GABPB1: variants seen among roughly 807,000 people sequenced by gnomAD.
The protein encoded by GABPB1 is GA-binding protein subunit beta-1.
GABPB1 carries 15 observed loss-of-function variants against 45.9 expected under a neutral mutation model. That is an observed-to-expected ratio of 0.33 (90% CI 0.22 to 0.50). The LOEUF (loss-of-function observed/expected upper bound fraction) is 0.50, where lower values mean the gene tolerates loss of function less well. GABPB1 is among the 20% of genes least tolerant of loss of function. The pLI is 0.98. For missense variants in GABPB1, 252 were observed against 457.5 expected (o/e 0.55, Z 4.10); for synonymous variants, 143 against 154.4 (o/e 0.93, Z 0.55).
chr15:50,309,355 G>C (rs2047051660), intron 2 of GABPB1, among the ~76,000 whole-genome samples: 2 of 151,960 alleles, frequency 1.3e-5, no homozygotes, highest in Admixed American at 6.6e-5. Flanking sequence ...ATCTTTATCA[G>C]TATCTTTCTG....
intron 1 of GABPB1, chr15:50,351,272 C>T (rs930777642): frequency 4.6e-5 from 7 of 152,238 alleles, no homozygotes; most frequent in African/African-American, 7.2e-5. Flanking sequence ...ATAAGCTGTT[C>T]TACCAACTTC....
chr15:50,304,213 T>G, intron 2 of GABPB1, 80 bp from the exon 3 acceptor site: 1 of 1,205,322 alleles, frequency 8.3e-7, no homozygotes, highest in South Asian at 2.1e-5. Context: ...CAGATTTTCT[T>G]TACATTATCT....
intron 6 of GABPB1, among the ~76,000 whole-genome samples, chr15:50,297,509 C>T (rs542733390): frequency 2.0e-5 from 3 of 152,314 alleles, no homozygotes; most frequent in Non-Finnish European, 2.9e-5. Flanking sequence ...CCTGCGCTCC[C>T]GGCACTTCTT....
chr15:50,304,714 G>GAAA, intron 2 of GABPB1, among the ~76,000 whole-genome samples: 1 of 105,416 alleles, frequency 9.5e-6, no homozygotes, highest in Admixed American at 9.6e-5. Flanking sequence ...TTGGTCTAAA[G>GAAA]AAAAAAAAAA....
At chr15:50,319,303 C>T (rs1248168397) in intron 1 of GABPB1, among the ~76,000 whole-genome samples, 1 of 151,958 alleles carries the variant, frequency 6.6e-6, no homozygotes, top group Middle Eastern at 3.2e-3. Context: ...TTTATAGATT[C>T]AGCAGGTACA....
At position 50,308,321 on chromosome 15, in the gene GABPB1, T is replaced by G. The variant is rs190934804; in HGVS notation, c.108+1370A>C. On this transcript the variant is annotated intron_variant, in intron 2 of 8. Coordinates refer to ENST00000380877, the MANE Select transcript of GABPB1 (RefSeq NM_016654.5). The stretch of plus-strand genomic sequence containing the variant: ...AATTCATTTCTCAGTTTACAGTTTT[T>G]TAGACTACACAAGTATTTATGAGTT... Among the ~76,000 whole-genome samples the G allele has an allele frequency of 2.6e-5, 4 of 152,348 alleles. No homozygotes were observed. In the East Asian group the frequency reaches 7.7e-4, roughly 29 times the overall value.
intron 7 of GABPB1, among the ~76,000 whole-genome samples, chr15:50,286,825 A>G (rs959605531): frequency 2.6e-5 from 4 of 152,208 alleles, no homozygotes; most frequent in African/African-American, 7.2e-5. Context: ...GCAATTATAT[A>G]GAGAGGCTGT....
intron 1 of GABPB1, among the ~76,000 whole-genome samples, chr15:50,343,135 G>C (rs2048441555): frequency 6.6e-6 from 1 of 152,080 alleles, no homozygotes; most frequent in Admixed American, 6.5e-5. Flanking sequence ...TCCTGACTTC[G>C]TGATCCACCC....
intron 6 of GABPB1, among the ~76,000 whole-genome samples, chr15:50,291,802 C>T (rs2046350754): frequency 6.6e-6 from 1 of 151,446 alleles, no homozygotes; most frequent in Non-Finnish European, 1.5e-5. Context: ...CCTGTAGTCT[C>T]AGCTACTTGG....
At chr15:50,320,322 C>G (rs1476900230) in intron 1 of GABPB1, among the ~76,000 whole-genome samples, 2 of 152,204 alleles carry the variant, frequency 1.3e-5, no homozygotes, top group Non-Finnish European at 2.9e-5. Flanking sequence ...CATGCACCAC[C>G]AGGCCCGGCT....
intron 1 of GABPB1, among the ~76,000 whole-genome samples, chr15:50,345,236 C>T (rs1252162474): frequency 3.3e-5 from 5 of 152,154 alleles, no homozygotes; most frequent in Non-Finnish European, 4.4e-5. Flanking sequence ...CACATATATA[C>T]TAGCTGAAAA....
In GABPB1 at chr15:50,289,672, G is replaced by GAAAAAAAAAA; in HGVS notation, c.698-14_698-5dup. 8.0e-7 allele frequency: 1 copy of GAAAAAAAAAA among 1,247,722 alleles called. No individual in the cohort carries two copies. Among genetic ancestry groups the GAAAAAAAAAA allele is most frequent in the Non-Finnish European group, 1.1e-6 (1 of 913,174 alleles). The allele number at this position is 1,247,722 out of a possible 1,614,324, so 77.3% of individuals were successfully genotyped here. A position where few individuals can be genotyped will look rare whatever the true frequency, so the allele number is the denominator to read the frequency against. On this transcript the variant is annotated splice_polypyrimidine_tract_variant and splice_region_variant and intron_variant, in intron 6 of 8. Coordinates refer to ENST00000380877, the MANE Select transcript of GABPB1 (RefSeq NM_016654.5). ...ACTACTTCTTCTGTGGCCACTACTG[G>GAAAAAAAAAA]AAAAAAAAAAAAGAAAACTCAGCAA...
At chr15:50,291,685 C>T (rs2046346992) in intron 6 of GABPB1, among the ~76,000 whole-genome samples, 1 of 151,526 alleles carries the variant, frequency 6.6e-6, no homozygotes, top group Non-Finnish European at 1.5e-5. Context: ...TCCAGGAGGC[C>T]GAGGCAGGAT....
chr15:50,321,982 CA>C (rs34649125), intron 1 of GABPB1, among the ~76,000 whole-genome samples: 78,695 of 136,218 alleles, frequency 0.58, 21,469 homozygotes, highest in Middle Eastern at 0.7. Context: ...CAGATGTGAC[CA>C]AAAAAAAAAA....
intron 6 of GABPB1, among the ~76,000 whole-genome samples, chr15:50,295,851 C>CAAGCACTGA (rs2046491730): frequency 7.0e-6 from 1 of 141,914 alleles, no homozygotes; most frequent in Non-Finnish European, 1.6e-5. Context: ...TTTTAATCAT[C>CAAGCACTGA]AAGCACTGAC....
chr15:50,282,836 C>A (rs939216765), intron 8 of GABPB1, among the ~76,000 whole-genome samples: 1 of 152,134 alleles, frequency 6.6e-6, no homozygotes. Context: ...GGATGGATCA[C>A]CTGAGGTCAG....
intron 6 of GABPB1, among the ~76,000 whole-genome samples, chr15:50,296,597 T>A (rs1012340152): frequency 2.6e-5 from 4 of 152,212 alleles, no homozygotes; most frequent in African/African-American, 9.6e-5. Flanking sequence ...CAAATCCTCC[T>A]TTCTCTACTT....
At chr15:50,301,070 T>G in intron 5 of GABPB1, 168 bp from the exon 6 acceptor site, 1 of 902,454 alleles carries the variant, frequency 1.1e-6, no homozygotes, top group Non-Finnish European at 1.7e-6. Context: ...CAGATTGTTT[T>G]GTCTCATAAA....
chr15:50,349,573 G>C (rs1437596354), intron 1 of GABPB1: 2 of 152,138 alleles, frequency 1.3e-5, no homozygotes, highest in Non-Finnish European at 2.9e-5. Flanking sequence ...TTACACATAA[G>C]AGTAACAACA....
Sources: gnomAD v4.1 joint callset for allele counts (sites outside exome capture counted in the v4.1 genomes callset) on GRCh38, gnomAD v4.1.1 for gene constraint, MANE v1.5 for transcripts, NCBI Gene and HGNC (gene_info 2026-07-23, HGNC 2026-07-21) for gene names.